Variants in MTRF1 observed in about 807,000 individuals in gnomAD.
MTRF1 encodes the protein peptide chain release factor 1, mitochondrial.
In MTRF1, 51 loss-of-function variants were observed where a neutral mutation model predicts 62.9. The ratio of observed to expected loss-of-function variants is 0.81; its 90% CI spans 0.65 to 1.02. MTRF1 has a LOEUF of 1.02. Among genes scored for constraint, MTRF1 ranks in the 50% least tolerant of loss-of-function variants. The probability of loss-of-function intolerance (pLI) is 0.00; values close to 1 mark genes in which losing one functional copy is unlikely to be tolerated. For synonymous variants in MTRF1, 158 were observed against 181.9 expected, an observed-to-expected ratio of 0.87 and a Z score of 1.06; for missense variants, 446 against 530.0, an observed-to-expected ratio of 0.84 and a Z score of 1.56.
chr13:41,283,585 C>CTTTTTTTTTTTTTTT, the MTRF1 span, among the ~76,000 whole-genome samples: 1 of 83,566 alleles, frequency 1.2e-5, no homozygotes, highest in African/African-American at 4.8e-5. Context: ...CTCTGACAAT[C>CTTTTTTTTTTTTTTT]TTTTTTTTTT....
At chr13:41,291,424 C>T in the MTRF1 span, among the ~76,000 whole-genome samples, 11 of 152,060 alleles carry the variant, frequency 7.2e-5, no homozygotes, top group South Asian at 4.1e-4. Flanking sequence ...GCGATCTACC[C>T]GCCACAGCCT....
chr13:41,249,808 G>C (rs2139069015), intron 5 of MTRF1, among the ~76,000 whole-genome samples: 1 of 151,500 alleles, frequency 6.6e-6, no homozygotes, highest in South Asian at 2.1e-4. Flanking sequence ...TGTATTTGTA[G>C]TAGACATGGT....
In MTRF1 at chr13:41,216,420, A is replaced by G. The variant is rs1404236733; in HGVS notation, c.*695T>C. 6.6e-6 allele frequency: 1 copy of G among 152,102 alleles called. No individual in the cohort carries two copies. Among genetic ancestry groups the G allele is most frequent in the Non-Finnish European group, 1.5e-5 (1 of 68,014 alleles). 9.4% of individuals were successfully genotyped at this position (152,102 alleles called of 1,614,324 possible). A position where few individuals can be genotyped will look rare whatever the true frequency, so the allele number is the denominator to read the frequency against. On this transcript the variant is annotated 3_prime_UTR_variant, in exon 10 of 10. Coordinates refer to ENST00000379480, the MANE Select transcript of MTRF1 (RefSeq NM_004294.4). ...TATATAGTGTGGAATTCATACAGCA[A>G]TCAAAGGGCTTTACTGTCTGTACCC... is the stretch of plus-strand genomic sequence containing the variant.
the MTRF1 span, among the ~76,000 whole-genome samples, chr13:41,300,176 A>G: frequency 6.6e-6 from 1 of 152,216 alleles, no homozygotes. Flanking sequence ...AATATGATTA[A>G]GCATAGAGTT....
At chr13:41,227,304 A>G (rs1470175864) in intron 7 of MTRF1, among the ~76,000 whole-genome samples, 1 of 152,040 alleles carries the variant, frequency 6.6e-6, no homozygotes, top group Admixed American at 6.6e-5. Flanking sequence ...AAAAACCAAA[A>G]AAAAAAAAAC....
At chr13:41,310,611 A>G in the MTRF1 span, among the ~76,000 whole-genome samples, 3 of 152,234 alleles carry the variant, frequency 2.0e-5, no homozygotes, top group Non-Finnish European at 4.4e-5. Flanking sequence ...CGGAGGTTGC[A>G]GTGAGCCCAG....
At chr13:41,224,185 C>A (rs2033941944) in intron 8 of MTRF1, among the ~76,000 whole-genome samples, 2 of 152,186 alleles carry the variant, frequency 1.3e-5, no homozygotes, top group Admixed American at 1.3e-4. Context: ...TTCTCTAATA[C>A]TCTCCTACCA....
chr13:41,254,143 T>A (rs950923808), intron 3 of MTRF1, among the ~76,000 whole-genome samples: 1 of 152,202 alleles, frequency 6.6e-6, no homozygotes, highest in African/African-American at 2.4e-5. Context: ...CACCTTTGGA[T>A]TCATTCCATT....
At chr13:41,271,575 G>A in the MTRF1 span, among the ~76,000 whole-genome samples, 1 of 152,112 alleles carries the variant, frequency 6.6e-6, no homozygotes, top group African/African-American at 2.4e-5. Flanking sequence ...TCTCTCTCCA[G>A]AGGTCTAAGA....
intron 6 of MTRF1, chr13:41,235,145 C>CA (rs1593747577): frequency 6.7e-6 from 1 of 150,366 alleles, no homozygotes; most frequent in East Asian, 1.9e-4. Flanking sequence ...GGCTGGAGTG[C>CA]AATGGTGCAA....
intron 2 of MTRF1, 116 bp downstream of exon 2, chr13:41,260,377 A>G (rs975422474): frequency 4.8e-6 from 5 of 1,045,698 alleles, no homozygotes; most frequent in Non-Finnish European, 6.8e-6. Context: ...AACAAAGACT[A>G]AGTTCAATAA....
chr13:41,259,708 A>ACAAAG (rs57877797), intron 2 of MTRF1, among the ~76,000 whole-genome samples: 1 of 141,574 alleles, frequency 7.1e-6, no homozygotes, highest in African/African-American at 2.6e-5. Flanking sequence ...TCTCAAAAAA[A>ACAAAG]AAAAAAAAAA....
the MTRF1 span, among the ~76,000 whole-genome samples, chr13:41,273,393 C>A: frequency 1.3e-5 from 2 of 151,998 alleles, no homozygotes; most frequent in African/African-American, 4.8e-5. Context: ...AAATGTGAAC[C>A]CCAAATATCT....
At chr13:41,263,404 G>A (rs1048975139) in intron 1 of MTRF1, 81 bp downstream of exon 1, 2 of 680,640 alleles carry the variant, frequency 2.9e-6, no homozygotes, top group South Asian at 1.5e-5. Context: ...AAACCATGCT[G>A]TGTAACTCAG....
chr13:41,303,148 C>A, the MTRF1 span, among the ~76,000 whole-genome samples: 1 of 151,852 alleles, frequency 6.6e-6, no homozygotes, highest in East Asian at 1.9e-4. Flanking sequence ...ATGCTAACTG[C>A]AAGAGTGGTG....
At chr13:41,259,271 C>T (rs2040107818) in intron 2 of MTRF1, among the ~76,000 whole-genome samples, 1 of 152,136 alleles carries the variant, frequency 6.6e-6, no homozygotes. Context: ...CACAAAACAA[C>T]TTGTACACAA....
the MTRF1 span, chr13:41,311,164 G>A: frequency 5.4e-6 from 2 of 370,998 alleles, no homozygotes; most frequent in Non-Finnish European, 9.8e-6. Flanking sequence ...CCACGCGGTT[G>A]GTCCCCGCTA....
the MTRF1 span, among the ~76,000 whole-genome samples, chr13:41,303,121 A>G: frequency 6.6e-6 from 1 of 151,928 alleles, no homozygotes; most frequent in Non-Finnish European, 1.5e-5. Flanking sequence ...TTTTTATTTT[A>G]TATGTATATA....
chr13:41,231,860 G>A (rs2035620624), intron 7 of MTRF1, among the ~76,000 whole-genome samples: 1 of 145,648 alleles, frequency 6.9e-6, no homozygotes, highest in Admixed American at 7.0e-5. Flanking sequence ...GGGCAATGTG[G>A]AGAAACCTGG....
Sources: allele counts gnomAD v4.1 joint callset (sites outside exome capture counted in the v4.1 genomes callset), GRCh38; gene constraint gnomAD v4.1.1; transcripts MANE v1.5; gene names NCBI Gene and HGNC (gene_info 2026-07-23, HGNC 2026-07-21).